Variants in PSD2 observed in about 807,000 individuals in gnomAD.
PSD2 encodes the protein pleckstrin and Sec7 domain containing 2.
PSD2 carries 38 observed loss-of-function variants against 69.8 expected under a neutral mutation model. The ratio of observed to expected loss-of-function variants is 0.54; its 90% CI spans 0.42 to 0.71. The LOEUF is 0.71. PSD2 is among the 30% of genes least tolerant of loss of function. The probability of loss-of-function intolerance (pLI) is 0.00; values close to 1 mark genes in which losing one functional copy is unlikely to be tolerated. For synonymous variants in PSD2, 412 were observed against 423.0 expected (o/e 0.97, Z 0.32); for missense variants, 943 against 1,014.5 (o/e 0.93, Z 0.96).
chr5:139,764,610 C>T, the PSD2 span, among the ~76,000 whole-genome samples: 1 of 152,198 alleles, frequency 6.6e-6, no homozygotes, highest in African/African-American at 2.4e-5. Context: ...CGCCGCCCTC[C>T]CCCGGCGCCC....
chr5:139,747,364 TCC>T, the PSD2 span, among the ~76,000 whole-genome samples: 1 of 151,536 alleles, frequency 6.6e-6, no homozygotes, highest in Non-Finnish European at 1.5e-5. The surrounding 1 kb of genome is among the most constrained non-coding windows in gnomAD (Gnocchi z 6.7). Flanking sequence ...AGACGCAGCC[TCC>T]CCCCCAGCTG....
the PSD2 span, chr5:139,742,629 C>CA: frequency 2.0e-4 from 30 of 153,110 alleles, no homozygotes; most frequent in East Asian, 2.7e-3. Flanking sequence ...TGACAGTGAG[C>CA]ATGTGAGAGC....
intron 7 of PSD2, among the ~76,000 whole-genome samples, chr5:139,829,910 A>T (rs949101973): frequency 6.6e-6 from 1 of 151,746 alleles, no homozygotes; most frequent in Non-Finnish European, 1.5e-5. Context: ...GAAGTGCCCA[A>T]CTGTTTTCCA....
chr5:139,765,081 C>T, the PSD2 span, among the ~76,000 whole-genome samples: 1 of 152,052 alleles, frequency 6.6e-6, no homozygotes, highest in East Asian at 1.9e-4. Context: ...CCAACGCCCC[C>T]TCACCCTCTC....
At chr5:139,803,722 GT>G (rs150764545) in intron 1 of PSD2, among the ~76,000 whole-genome samples, 1,737 of 152,292 alleles carry the variant, frequency 0.011, 33 homozygotes, top group African/African-American at 0.04. Context: ...GGTTAAGAGG[GT>G]TTAGGGTCAC....
chr5:139,776,016 C>T, the PSD2 span, among the ~76,000 whole-genome samples: 2 of 152,224 alleles, frequency 1.3e-5, no homozygotes, highest in Non-Finnish European at 2.9e-5. Context: ...CACTCTGCCT[C>T]ATCCCCCTCC....
At position 139,843,744 on chromosome 5, in the gene PSD2, C is replaced by T. The variant is rs1760932393; in HGVS notation, c.*1270C>T. 6.6e-6 allele frequency: 1 copy of T among 152,242 alleles called. No individual in the cohort carries two copies. Among genetic ancestry groups the T allele is most frequent in the South Asian group, 2.1e-4 (1 of 4,832 alleles). 9.4% of individuals were successfully genotyped at this position (152,242 alleles called of 1,614,324 possible). A position where few individuals can be genotyped will look rare whatever the true frequency, so the allele number is the denominator to read the frequency against. The stretch of plus-strand genomic sequence containing the variant: ...CTGGGAAGAGTGGAGAAATTTGCCA[C>T]TTGACGATCACGGATTAGCTAGCAC... On this transcript the variant is annotated 3_prime_UTR_variant, in exon 15 of 15. Transcript: ENST00000274710.
In PSD2 at chr5:139,837,219, C is replaced by G; in HGVS notation, c.1646C>G (p.Thr549Ser). 1 of 1,613,950 alleles carries G rather than the reference C, an allele frequency of 6.2e-7. No individual in the cohort carries two copies. Among genetic ancestry groups the G allele is most frequent in the Admixed American group, 1.7e-5 (1 of 60,026 alleles). Residue 549 changes from threonine (T) to serine (S), a missense_variant, in exon 11 of 15, where the codon ACC (threonine) becomes AGC (serine). Thr to Ser is a moderately conservative substitution (Grantham distance 58). This residue lies in a region of PSD2 where 312 missense variants were observed against 400.7 expected (regional missense o/e 0.78). Coordinates refer to ENST00000274710, the MANE Select transcript of PSD2 (RefSeq NM_032289.4). This position sits in a 1 kb window ranked among gnomAD's most constrained non-coding sequence, Gnocchi z 5.0. ...AAATTCTACGCAGTGCTCAAAGGGA[C>G]CATCCTGTACCTGCAGAAGGTGAGA... Reference protein sequence around the residue: ...WKKFYAVLKGTILYLQKDEYR... With the variant: ...WKKFYAVLKGSILYLQKDEYR...
upstream of PSD2, among the ~76,000 whole-genome samples, chr5:139,792,835 T>C (rs1759438087): frequency 6.8e-6 from 1 of 146,702 alleles, no homozygotes; most frequent in Non-Finnish European, 1.5e-5. Flanking sequence ...CCTTCCTTCC[T>C]TTCTTTCTTT....
intron 12 of PSD2, among the ~76,000 whole-genome samples, chr5:139,838,170 G>A (rs529260086): frequency 1.3e-4 from 20 of 152,188 alleles, no homozygotes; most frequent in Non-Finnish European, 2.4e-4. Context: ...ACCACCTCTC[G>A]TCCTCCTGTG....
rs1039080245 is a variant in PSD2, at chr5:139,843,597, G to A, written c.*1123G>A. 26 of 152,212 alleles carry A rather than the reference G, an allele frequency of 1.7e-4. No homozygotes were observed. Among genetic ancestry groups the A allele is most frequent in the African/African-American group, 5.8e-4 (24 of 41,438 alleles). The allele number at this position is 152,212 out of a possible 1,614,324, so 9.4% of individuals were successfully genotyped here. On this transcript the variant is annotated 3_prime_UTR_variant, in exon 15 of 15. Transcript: ENST00000274710. ...AGCCCAAAGATGCTTGTCGGAGGAC[G>A]GTTATGGAAGCCCTTAATTCTTGGT...
chr5:139,762,490 A>C, the PSD2 span, among the ~76,000 whole-genome samples: 6 of 152,204 alleles, frequency 3.9e-5, no homozygotes, highest in Non-Finnish European at 2.9e-5. Context: ...ACAGGTGTGC[A>C]CCACAATGCC....
the PSD2 span, among the ~76,000 whole-genome samples, chr5:139,768,679 A>T: frequency 6.6e-6 from 1 of 151,500 alleles, no homozygotes; most frequent in Admixed American, 6.6e-5. Flanking sequence ...GCCGAGATCA[A>T]GCCATTGCAC....
At chr5:139,778,945 CAAA>C in the PSD2 span, among the ~76,000 whole-genome samples, 6 of 99,900 alleles carry the variant, frequency 6.0e-5, no homozygotes, top group African/African-American at 1.5e-4. Context: ...AGAAAAAAAA[CAAA>C]AAAAAAAAAA....
chr5:139,791,476 C>T (rs111889845), upstream of PSD2, among the ~76,000 whole-genome samples: 403 of 152,064 alleles, frequency 2.7e-3, 1 homozygote, highest in African/African-American at 8.5e-3. Flanking sequence ...GAAACCCACT[C>T]AACAAACTAG....
At chr5:139,836,267 C>T (rs543915629) in intron 9 of PSD2, among the ~76,000 whole-genome samples, 7 of 152,232 alleles carry the variant, frequency 4.6e-5, no homozygotes, top group East Asian at 1.9e-4. Flanking sequence ...TTGGGGAGAC[C>T]GTGAAAGGCT....
intron 2 of PSD2, among the ~76,000 whole-genome samples, chr5:139,811,631 G>A (rs1339953669): frequency 6.6e-6 from 1 of 151,772 alleles, no homozygotes; most frequent in African/African-American, 2.4e-5. Flanking sequence ...GTCTTACTCT[G>A]TTACCCAGGC....
At chr5:139,796,736 G>A (rs1164471422) in intron 1 of PSD2, among the ~76,000 whole-genome samples, 3 of 152,220 alleles carry the variant, frequency 2.0e-5, no homozygotes, top group African/African-American at 7.2e-5. Flanking sequence ...ATCACTGGGG[G>A]CATTGTTTTT....
chr5:139,813,896 C>T, intron 3 of PSD2, 138 bp downstream of exon 3: 3 of 776,452 alleles, frequency 3.9e-6, no homozygotes, highest in Non-Finnish European at 6.0e-6. Context: ...CCCTCTGCAT[C>T]CAGGCTTCCC....
Sources: gnomAD v4.1 joint callset for allele counts (sites outside exome capture counted in the v4.1 genomes callset) on GRCh38, gnomAD v4.1.1 for gene constraint, gnomAD v4.1.1 regional missense constraint, Gnocchi (gnomAD v3.1) non-coding constraint, MANE v1.5 for transcripts, NCBI Gene and HGNC (gene_info 2026-07-23, HGNC 2026-07-21) for gene names.